The following AP3B1 variants were observed in gnomAD, a reference collection of about 807,000 sequenced individuals.
AP3B1 encodes AP-3 complex subunit beta-1.
A neutral mutation model predicts 132.5 loss-of-function variants in AP3B1; 61 were observed. The observed-to-expected ratio is 0.46, with a 90% CI of 0.37 to 0.57. The LOEUF is 0.57. AP3B1 is among the 20% of genes least tolerant of loss of function. The pLI, the probability that AP3B1 is intolerant of heterozygous loss-of-function variation, is 0.00. For missense variants in AP3B1, 1,120 were observed against 1,289.4 expected, an observed-to-expected ratio of 0.87 and a Z score of 2.01; for synonymous variants, 388 against 438.3, an observed-to-expected ratio of 0.89 and a Z score of 1.43.
intron 16 of AP3B1, among the ~76,000 whole-genome samples, 187 bp from the exon 17 acceptor site, chr5:78,128,347 T>C (rs1485748666): frequency 4.6e-5 from 7 of 152,124 alleles, no homozygotes; most frequent in Non-Finnish European, 7.4e-5. Flanking sequence ...TCCCCCATAA[T>C]GGTCAATAAA....
chr5:78,001,394 A>G (rs1245293009), downstream of AP3B1: 1 of 152,220 alleles, frequency 6.6e-6, no homozygotes, highest in Non-Finnish European at 1.5e-5. Flanking sequence ...CAGGCTCCAG[A>G]GGGAAGTGGA....
At chr5:78,195,820 AAAAAATAAAAAT>A (rs913311722) in intron 7 of AP3B1, among the ~76,000 whole-genome samples, 4 of 152,108 alleles carry the variant, frequency 2.6e-5, no homozygotes, top group Non-Finnish European at 5.9e-5. Flanking sequence ...ACTCCATCTC[AAAAAATAAAAAT>A]AAAAATAAAA....
intron 7 of AP3B1, among the ~76,000 whole-genome samples, chr5:78,185,072 G>A (rs1200323734): frequency 6.6e-6 from 1 of 152,168 alleles, no homozygotes; most frequent in Admixed American, 6.5e-5. Flanking sequence ...TAGACCAACT[G>A]ATGGAGAGGA....
intron 3 of AP3B1, among the ~76,000 whole-genome samples, chr5:78,228,661 C>A (rs1241892488): frequency 6.6e-6 from 1 of 152,156 alleles, no homozygotes; most frequent in African/African-American, 2.4e-5. Context: ...TAGAGGCTAT[C>A]CTGGGCAACA....
intron 20 of AP3B1, among the ~76,000 whole-genome samples, chr5:78,107,120 T>C (rs918705352): frequency 3.3e-5 from 5 of 152,152 alleles, no homozygotes; most frequent in Admixed American, 6.5e-5. Context: ...AGTACTAATT[T>C]GGGGTCAACA....
chr5:78,021,938 C>T (rs963821837), intron 24 of AP3B1, among the ~76,000 whole-genome samples: 14 of 152,084 alleles, frequency 9.2e-5, no homozygotes, highest in African/African-American at 3.4e-4. Flanking sequence ...AGAACTGGAT[C>T]CCACAGCCTG....
At chr5:78,061,697 A>G (rs1749065269) in intron 22 of AP3B1, among the ~76,000 whole-genome samples, 1 of 152,232 alleles carries the variant, frequency 6.6e-6, no homozygotes, top group African/African-American at 2.4e-5. Context: ...TGAAGCTTCC[A>G]ACTGCATATT....
At chr5:78,190,787 T>C (rs1744794526) in intron 7 of AP3B1, among the ~76,000 whole-genome samples, 1 of 152,226 alleles carries the variant, frequency 6.6e-6, no homozygotes, top group Non-Finnish European at 1.5e-5. Context: ...CAGTAGCTAT[T>C]GCCACTGCTT....
At chr5:78,094,638 C>G (rs754819493) in intron 21 of AP3B1, among the ~76,000 whole-genome samples, 1 of 151,824 alleles carries the variant, frequency 6.6e-6, no homozygotes, top group Non-Finnish European at 1.5e-5. Context: ...GCCTAGTATA[C>G]CCTCCCCTCA....
At chr5:78,266,868 A>C (rs1442391423) in intron 2 of AP3B1, among the ~76,000 whole-genome samples, 2 of 152,166 alleles carry the variant, frequency 1.3e-5, no homozygotes, top group African/African-American at 4.8e-5. Flanking sequence ...AAACTATTTT[A>C]CTAAAGATGG....
At chr5:78,180,691 A>G (rs1308942430) in intron 8 of AP3B1, among the ~76,000 whole-genome samples, 1 of 152,014 alleles carries the variant, frequency 6.6e-6, no homozygotes, top group Non-Finnish European at 1.5e-5. Context: ...AATGCTATGT[A>G]CAGTATGATT....
intron 22 of AP3B1, among the ~76,000 whole-genome samples, chr5:78,064,094 T>G (rs1749175978): frequency 6.7e-6 from 1 of 150,374 alleles, no homozygotes; most frequent in Admixed American, 6.6e-5. Context: ...AAAAGGAGCA[T>G]GAAGTAGGGA....
At chr5:78,072,782 T>C (rs1749596425) in intron 22 of AP3B1, among the ~76,000 whole-genome samples, 1 of 123,506 alleles carries the variant, frequency 8.1e-6, no homozygotes, top group South Asian at 2.9e-4. Flanking sequence ...AGTGCAATGG[T>C]GCAATCTCCG....
intron 7 of AP3B1, among the ~76,000 whole-genome samples, chr5:78,193,210 T>C (rs137990234): frequency 8.9e-4 from 135 of 152,342 alleles, no homozygotes; most frequent in Middle Eastern, 6.8e-3. Context: ...TTTTGACATA[T>C]CAGATAAAGA....
At chr5:78,049,881 A>G (rs540340818) in intron 22 of AP3B1, among the ~76,000 whole-genome samples, 8 of 152,336 alleles carry the variant, frequency 5.3e-5, no homozygotes, top group Non-Finnish European at 1.0e-4. Flanking sequence ...GTTTACCTGT[A>G]TAACAAACCT....
At chr5:78,176,031 T>G (rs577822988) in intron 9 of AP3B1, among the ~76,000 whole-genome samples, 193 bp from the exon 10 acceptor site, 1 of 152,286 alleles carries the variant, frequency 6.6e-6, no homozygotes, top group South Asian at 2.1e-4. Context: ...ACCAATAAAT[T>G]AGACGTGATT....
At chr5:78,163,479 T>A (rs947770835) in intron 12 of AP3B1, among the ~76,000 whole-genome samples, 2 of 151,942 alleles carry the variant, frequency 1.3e-5, no homozygotes, top group African/African-American at 4.8e-5. Context: ...AGTATTTCAA[T>A]AAATACTTCA....
intron 7 of AP3B1, among the ~76,000 whole-genome samples, chr5:78,197,378 T>C (rs1013451196): frequency 6.6e-6 from 1 of 152,160 alleles, no homozygotes; most frequent in African/African-American, 2.4e-5. Flanking sequence ...ATATAAGCTT[T>C]ATGAAGGCAA....
At chr5:78,204,767 C>T (rs573241432) in intron 7 of AP3B1, among the ~76,000 whole-genome samples, 66 of 152,282 alleles carry the variant, frequency 4.3e-4, no homozygotes, top group Admixed American at 7.2e-4. Context: ...CTGTTCCATC[C>T]AGCCCCTGTC....
Sources: allele counts gnomAD v4.1 joint callset (sites outside exome capture counted in the v4.1 genomes callset), GRCh38; gene constraint gnomAD v4.1.1; transcripts MANE v1.5; gene names NCBI Gene and HGNC (gene_info 2026-07-23, HGNC 2026-07-21).